Variants in ADCY7 observed in about 807,000 individuals in gnomAD.
ADCY7 encodes the protein adenylate cyclase type 7.
In ADCY7, 72 loss-of-function variants were observed where a neutral mutation model predicts 120.6. The ratio of observed to expected loss-of-function variants is 0.60; its 90% CI spans 0.49 to 0.73. ADCY7 has a LOEUF of 0.73. Among genes scored for constraint, ADCY7 ranks in the 30% least tolerant of loss-of-function variants. ADCY7 has a pLI of 0.00. For missense variants in ADCY7, 1,227 were observed against 1,486.0 expected (o/e 0.83, Z 2.87); for synonymous variants, 661 against 628.0 (o/e 1.05, Z -0.78).
At chr16:50,268,666 G>T (rs1374561639) in intron 1 of ADCY7, among the ~76,000 whole-genome samples, 1 of 152,182 alleles carries the variant, frequency 6.6e-6, no homozygotes, top group Admixed American at 6.5e-5. Flanking sequence ...CCAGGAGTAG[G>T]TCTGGGAGGT....
chr16:50,310,417 C>A, intron 18 of ADCY7: 1 of 1,526,992 alleles, frequency 6.5e-7, no homozygotes, highest in Non-Finnish European at 8.8e-7. Context: ...ATGCACGCTC[C>A]GGCCTTGACC....
rs1354115721 is a variant in ADCY7, at chr16:50,298,000, G to A, written c.949-904G>A. On this transcript the variant is annotated intron_variant, in intron 7 of 25. Coordinates refer to ENST00000673801, the MANE Select transcript of ADCY7 (RefSeq NM_001114.5). The surrounding 1 kb of genome is among the most constrained non-coding windows in gnomAD (Gnocchi z 4.4). ...GAGGGCTTAAGGAGGGTCTGGTGAC[G>A]CAGCAGTGCCTCAGATGAACCTCAG... Among the ~76,000 whole-genome samples the A allele has an allele frequency of 1.3e-5, 2 of 152,140 alleles. No individual in the cohort carries two copies. The highest frequency in any genetic ancestry group is 2.4e-5 in the African/African-American group (1 of 41,502).
rs746374523 is a variant in ADCY7 at position 50,308,330 on chromosome 16, G to A, written c.1854G>A (p.Thr618=). 1.5e-5 allele frequency: 25 copies of A among 1,614,206 alleles called. No individual in the cohort carries two copies. The highest frequency in any genetic ancestry group is 1.8e-5 in the Non-Finnish European group (21 of 1,180,026). The change falls in exon 16 of 26, where the codon ACG becomes ACA. Residue 618 remains threonine, a synonymous_variant. Transcript: ENST00000673801. ...GAGGTTCTTCCCTCCTCTCCAGGAC[G>A]GCGGCACTGGGTGTGTCCTTCGGGC... ...LLVHVLLMPR[T]AALGVSFGLV...
At chr16:50,254,431 A>G (rs1384410988) in intron 1 of ADCY7, among the ~76,000 whole-genome samples, 3 of 152,264 alleles carry the variant, frequency 2.0e-5, no homozygotes, top group Non-Finnish European at 2.9e-5. Context: ...ATAAACTAAC[A>G]CAGTGAAGCT....
rs762877110 is a variant in ADCY7 at position 50,297,512 on chromosome 16, T to C, written c.949-1392T>C. Among the ~76,000 whole-genome samples, 1 of 152,206 alleles carries C rather than the reference T, an allele frequency of 6.6e-6. No individual in the cohort carries two copies. Among genetic ancestry groups the C allele is most frequent in the Non-Finnish European group, 1.5e-5 (1 of 68,032 alleles). On this transcript the variant is annotated intron_variant, in intron 7 of 25. Coordinates refer to ENST00000673801, the MANE Select transcript of ADCY7 (RefSeq NM_001114.5). This position sits in a 1 kb window ranked among gnomAD's most constrained non-coding sequence, Gnocchi z 4.4. ...TAGGAAAGCCACTGTCCTCTTGTCC[T>C]TGCAGTCACTCAGAACTCACTCAGC...
intron 1 of ADCY7, among the ~76,000 whole-genome samples, chr16:50,271,022 C>T (rs1277747779): frequency 2.6e-5 from 4 of 152,224 alleles, no homozygotes; most frequent in African/African-American, 9.6e-5. Flanking sequence ...TCTCAACTGG[C>T]CACATCATGG....
At position 50,312,057 on chromosome 16, in the gene ADCY7, G is replaced by C. The variant is rs779562983; in HGVS notation, c.2470G>C (p.Asp824His). ...SRQIDYYCRL[D>H]CLWKKKFKKE... Reference sequence around the variant, plus strand: ...GCAGATTGACTATTACTGCCGCTTGGACTGCCTATGGAAGAAGAAGTTCAA... The same window carrying C: ...GCAGATTGACTATTACTGCCGCTTGCACTGCCTATGGAAGAAGAAGTTCAA... The change falls in exon 21 of 26, where the codon GAC becomes CAC. Residue 824 changes from aspartate (D) to histidine (H), a missense_variant. This residue lies in a region of ADCY7 where 267 missense variants were observed against 270.0 expected (regional missense o/e 0.99). Transcript: ENST00000673801. The C allele has an allele frequency of 1.2e-6, 2 of 1,614,226 alleles. No individual in the cohort carries two copies. Among genetic ancestry groups the C allele is most frequent in the Non-Finnish European group, 1.7e-6 (2 of 1,180,036 alleles).
chr16:50,258,828 C>G (rs1434249567), intron 1 of ADCY7, among the ~76,000 whole-genome samples: 1 of 152,018 alleles, frequency 6.6e-6, no homozygotes, highest in South Asian at 2.1e-4. Context: ...CTCAAGCGAT[C>G]CTCCTGATCT....
chr16:50,311,005 T>C (rs2036422664), intron 19 of ADCY7, 125 bp downstream of exon 19: 1 of 999,720 alleles, frequency 1.0e-6, no homozygotes, highest in South Asian at 1.7e-5. Flanking sequence ...GGCTGGCAGA[T>C]GGTGTCCAGC....
chr16:50,269,365 G>C (rs1021607791), intron 1 of ADCY7, among the ~76,000 whole-genome samples: 1 of 152,248 alleles, frequency 6.6e-6, no homozygotes, highest in African/African-American at 2.4e-5. Flanking sequence ...GAGAACAGGG[G>C]CTCTGGTTGG....
chr16:50,270,176 CAGATAGATAGAT>C lies in ADCY7; in HGVS notation c.-269+3538_-269+3549del, dbSNP rs35858506. Among the ~76,000 whole-genome samples the C allele has an allele frequency of 4.7e-3, 659 of 141,306 alleles. 3 individuals are homozygous for C. Among genetic ancestry groups the C allele is most frequent in the Non-Finnish European group, 7.3e-3 (481 of 65,530 alleles). The allele number at this position is 141,306 out of a possible 152,430, so 92.7% of individuals were successfully genotyped here. ...TGGGTAATAGAGCAAGACCCTGTCT[CAGATAGATAGAT>C]AGATAGATAGATAGATAGATAGATA... On this transcript the variant is annotated intron_variant, in intron 1 of 25. Transcript: ENST00000673801.
Position 50,314,417 on chromosome 16 carries a change from G to A in ADCY7, c.2971+11G>A, listed in dbSNP as rs2036671849. On this transcript the variant is annotated intron_variant, in intron 24 of 25. Transcript: ENST00000673801. Reference sequence around the variant, plus strand: ...TCCGCCTCCGCGTCGGTGAGCCCGGGTGATGGAGCGGGGTGGGGAGCCCCT... The same window carrying A: ...TCCGCCTCCGCGTCGGTGAGCCCGGATGATGGAGCGGGGTGGGGAGCCCCT... 6.2e-7 allele frequency: 1 copy of A among 1,610,112 alleles called. No homozygotes were observed. The highest frequency in any genetic ancestry group is 1.3e-5 in the African/African-American group (1 of 74,896).
chr16:50,267,380 C>G (rs906812411), intron 1 of ADCY7, among the ~76,000 whole-genome samples: 1 of 151,994 alleles, frequency 6.6e-6, no homozygotes, highest in African/African-American at 2.4e-5. Context: ...ACATCTGTGG[C>G]TGGGGGCTTC....
At chr16:50,307,364 G>A (rs540103948) in intron 15 of ADCY7, among the ~76,000 whole-genome samples, 2 of 150,490 alleles carry the variant, frequency 1.3e-5, no homozygotes, top group East Asian at 3.9e-4. Flanking sequence ...ACTCCCTAAC[G>A]TCTCTCTCCT....
intron 1 of ADCY7, 71 bp from the exon 2 acceptor site, chr16:50,287,841 G>A (rs556981021): frequency 1.0e-5 from 3 of 286,014 alleles, no homozygotes; most frequent in East Asian, 1.3e-4. Context: ...CCTGGGCCCC[G>A]CTCTCCCTGA....
Position 50,305,859 on chromosome 16 carries a change from C to T in ADCY7, c.1752+10C>T. 6.2e-7 allele frequency: 1 copy of T among 1,613,460 alleles called. No individual in the cohort carries two copies. Among genetic ancestry groups the T allele is most frequent in the Non-Finnish European group, 8.5e-7 (1 of 1,179,826 alleles). ...GGGCTTTGAGCGCGAGGTGAGGGCC[C>T]CCAGCAGCCTCCTCCGCAGAGGGAC... is the stretch of plus-strand genomic sequence containing the variant. On this transcript the variant is annotated intron_variant, in intron 14 of 25. Transcript: ENST00000673801.
rs548080841 is a variant in ADCY7 at position 50,315,871 on chromosome 16, G to A, written c.*366G>A. 3.9e-5 allele frequency: 8 copies of A among 206,842 alleles called. No individual in the cohort carries two copies. Among genetic ancestry groups the A allele is most frequent in the African/African-American group, 1.1e-4 (5 of 44,028 alleles). The allele number at this position is 206,842 out of a possible 1,614,324, so 12.8% of individuals were successfully genotyped here. ...TTCCACCTCAGTGGCCTGTGGGCAC[G>A]CACAAGTGAGGTCTGTTTTTCTAGA... On this transcript the variant is annotated 3_prime_UTR_variant, in exon 26 of 26. Transcript: ENST00000673801.
chr16:50,253,324 C>T (rs929230659), intron 1 of ADCY7, among the ~76,000 whole-genome samples: 2 of 152,136 alleles, frequency 1.3e-5, no homozygotes, highest in Non-Finnish European at 2.9e-5. Context: ...AATCTCGTCT[C>T]ACTGCAGCCT....
intron 18 of ADCY7, 173 bp from the exon 19 acceptor site, chr16:50,310,514 T>C: frequency 1.3e-6 from 2 of 1,539,326 alleles, no homozygotes; most frequent in Non-Finnish European, 1.7e-6. Context: ...AAAACTACAG[T>C]GAAAACAACA....
Sources: gnomAD v4.1 joint callset for allele counts (sites outside exome capture counted in the v4.1 genomes callset) on GRCh38, gnomAD v4.1.1 for gene constraint, gnomAD v4.1.1 regional missense constraint, Gnocchi (gnomAD v3.1) non-coding constraint, MANE v1.5 for transcripts, NCBI Gene and HGNC (gene_info 2026-07-23, HGNC 2026-07-21) for gene names.